The following ARL5B variants were observed in gnomAD, a reference collection of about 807,000 sequenced individuals.
The protein encoded by ARL5B is ARF like GTPase 5B.
In ARL5B, 10 loss-of-function variants were observed where a neutral mutation model predicts 26.9. The observed-to-expected ratio is 0.37, with a 90% CI of 0.23 to 0.63. The LOEUF is 0.63. Ranked by LOEUF, ARL5B falls within the 30% of genes least tolerant of loss-of-function variation. The pLI, the probability that ARL5B is intolerant of heterozygous loss-of-function variation, is 0.62. For missense variants in ARL5B, 167 were observed against 213.9 expected, an observed-to-expected ratio of 0.78 and a Z score of 1.37; for synonymous variants, 87 against 70.4, an observed-to-expected ratio of 1.24 and a Z score of -1.18.
At position 18,675,374 on chromosome 10, in the gene ARL5B, ATT is replaced by A; in HGVS notation, c.*163_*164del. ...GTGCAGCTGAACTGGAACATAAAAG[ATT>A]TTTTCTTAACTTTTTTTTTTTAACA... On this transcript the variant is annotated 3_prime_UTR_variant, in exon 6 of 6. Transcript: ENST00000377275. The A allele has an allele frequency of 3.2e-6, 2 of 633,190 alleles. No homozygotes were observed. Among genetic ancestry groups the A allele is most frequent in the African/African-American group, 1.8e-5 (1 of 54,446 alleles). 39.2% of individuals were successfully genotyped at this position (633,190 alleles called of 1,614,324 possible).
intron 3 of ARL5B, among the ~76,000 whole-genome samples, chr10:18,670,935 G>A (rs1237242548): frequency 1.3e-5 from 2 of 152,156 alleles, no homozygotes; most frequent in Non-Finnish European, 2.9e-5. Context: ...GAACAGTGGC[G>A]CCTGTCACTT....
Position 18,677,401 on chromosome 10 carries a change from A to G in ARL5B, c.*2185A>G, listed in dbSNP as rs1256310847. 1 of 152,240 alleles carries G rather than the reference A, an allele frequency of 6.6e-6. No homozygotes were observed. Among genetic ancestry groups the G allele is most frequent in the Non-Finnish European group, 1.5e-5 (1 of 67,774 alleles). The allele number at this position is 152,240 out of a possible 1,614,324, so 9.4% of individuals were successfully genotyped here. ...TTATTTTGTAAATCCTTTAAAAAAT[A>G]TTTGGTTAGTTTTGGATTAGAAATG... On this transcript the variant is annotated 3_prime_UTR_variant, in exon 6 of 6. Transcript: ENST00000377275.
Position 18,659,662 on chromosome 10 carries a change from T to G in ARL5B, c.25T>G (p.Trp9Gly). 6.2e-7 allele frequency: 1 copy of G among 1,613,318 alleles called. No homozygotes were observed. Among genetic ancestry groups the G allele is most frequent in the Non-Finnish European group, 8.5e-7 (1 of 1,179,736 alleles). ...GATGGGGCTGATCTTCGCCAAACTGTGGAGCCTCTTCTGTAACCAAGGTGA... is the reference window on the plus strand; with the variant it reads ...GATGGGGCTGATCTTCGCCAAACTGGGGAGCCTCTTCTGTAACCAAGGTGA... MGLIFAKL[W>G]SLFCNQEHKV... The change falls in exon 1 of 6, where the codon TGG (tryptophan) becomes GGG (glycine). Residue 9 changes from tryptophan (W) to glycine (G), a missense_variant. Physicochemically the swap from Trp to Gly is radical, Grantham distance 184. Coordinates refer to ENST00000377275, the MANE Select transcript of ARL5B (RefSeq NM_178815.5).
At chr10:18,661,173 T>C (rs924154621) in intron 1 of ARL5B, among the ~76,000 whole-genome samples, 2 of 152,228 alleles carry the variant, frequency 1.3e-5, no homozygotes, top group African/African-American at 2.4e-5. Context: ...TAAGACATGC[T>C]TAAAGGTATA....
intron 1 of ARL5B, among the ~76,000 whole-genome samples, chr10:18,660,761 C>T (rs781539774): frequency 6.6e-6 from 1 of 152,144 alleles, no homozygotes. Flanking sequence ...TATCCAGTAA[C>T]CACAGATAAT....
rs919063528 is a variant in ARL5B, at chr10:18,659,908, G to A, written c.46+225G>A. 59 of 985,360 alleles carry A rather than the reference G, an allele frequency of 6.0e-5. No individual in the cohort carries two copies. The African/African-American group carries it at 9.4e-4, about 16-fold the overall frequency. 61.0% of individuals were successfully genotyped at this position (985,360 alleles called of 1,614,324 possible). Reference sequence around the variant, plus strand: ...AGAAGAGAAGGTATTTGGCGTCCCAGAATCCAAACTGAGAATGTTTGGATA... The same window carrying A: ...AGAAGAGAAGGTATTTGGCGTCCCAAAATCCAAACTGAGAATGTTTGGATA... On this transcript the variant is annotated intron_variant, in intron 1 of 5. Transcript: ENST00000377275.
In ARL5B at chr10:18,659,624, C is replaced by G. The variant is rs761290580; in HGVS notation, c.-14C>G. The G allele has an allele frequency of 1.2e-6, 2 of 1,608,154 alleles. No homozygotes were observed. The highest frequency in any genetic ancestry group is 8.5e-7 in the Non-Finnish European group (1 of 1,177,636). ...TGCTGCCGAGGGACCCCGCGGCCCG[C>G]CCCGGTGCTCGTGATGGGGCTGATC... On this transcript the variant is annotated 5_prime_UTR_variant, in exon 1 of 6. Coordinates refer to ENST00000377275, the MANE Select transcript of ARL5B (RefSeq NM_178815.5).
chr10:18,673,780 C>A (rs1222142634), intron 4 of ARL5B, among the ~76,000 whole-genome samples: 2 of 149,640 alleles, frequency 1.3e-5, no homozygotes, highest in African/African-American at 2.5e-5. Flanking sequence ...TTCAGTTTGA[C>A]CAGTTCGACT....
At position 18,676,313 on chromosome 10, in the gene ARL5B, T is replaced by C. The variant is rs1039726831; in HGVS notation, c.*1097T>C. Reference sequence around the variant, plus strand: ...ATAGACTTGAAACAATTGCCATCTTTGTAGTTATGCCTTGGGTTCTAAAAT... The same window carrying C: ...ATAGACTTGAAACAATTGCCATCTTCGTAGTTATGCCTTGGGTTCTAAAAT... On this transcript the variant is annotated 3_prime_UTR_variant, in exon 6 of 6. Transcript: ENST00000377275. The C allele has an allele frequency of 5.2e-5, 8 of 152,470 alleles. No homozygotes were observed. The highest frequency in any genetic ancestry group is 1.7e-4 in the African/African-American group (7 of 41,442). The allele number at this position is 152,470 out of a possible 1,614,324, so 9.4% of individuals were successfully genotyped here.
chr10:18,664,896 G>T (rs1263425650), intron 1 of ARL5B, among the ~76,000 whole-genome samples: 1 of 152,092 alleles, frequency 6.6e-6, no homozygotes, highest in African/African-American at 2.4e-5. Context: ...AAATGACCTG[G>T]GTCTTCATTT....
Position 18,671,134 on chromosome 10 carries a change from A to C in ARL5B, c.256-1488A>C, listed in dbSNP as rs1030807203. Among the ~76,000 whole-genome samples, 64 of 152,188 alleles carry C rather than the reference A, an allele frequency of 4.2e-4. 1 individual carries two copies. Among genetic ancestry groups the C allele is most frequent in the African/African-American group, 1.5e-3 (62 of 41,542 alleles). On this transcript the variant is annotated intron_variant, in intron 3 of 5. Transcript: ENST00000377275. ...TTTCCGTTTATTCCCTTCTAAGCCC[A>C]ACTCAGTTTATATTCAGATTAGTTG...
At position 18,659,597 on chromosome 10, in the gene ARL5B, C is replaced by A. The variant is rs781733930; in HGVS notation, c.-41C>A. ...CGGTGGGGGACCCGGCGCAGCGGCA[C>A]CTGCTGCCGAGGGACCCCGCGGCCC... On this transcript the variant is annotated 5_prime_UTR_variant, in exon 1 of 6. Coordinates refer to ENST00000377275, the MANE Select transcript of ARL5B (RefSeq NM_178815.5). 3.1e-6 allele frequency: 5 copies of A among 1,592,880 alleles called. No homozygotes were observed. In the Admixed American group the frequency reaches 8.8e-5, roughly 28 times the overall value.
intron 2 of ARL5B, 100 bp from the exon 3 acceptor site, chr10:18,668,430 A>T (rs2059871236): frequency 7.9e-7 from 1 of 1,262,696 alleles, no homozygotes; most frequent in African/African-American, 1.5e-5. Flanking sequence ...GATCACCATC[A>T]TTGGTGCAGA....
chr10:18,672,765 T>G, intron 4 of ARL5B, 60 bp downstream of exon 4: 1 of 1,206,284 alleles, frequency 8.3e-7, no homozygotes. Context: ...ACGTTGCCTT[T>G]GCTTTTTTGC....
intron 2 of ARL5B, 146 bp from the exon 3 acceptor site, chr10:18,668,384 G>T (rs751625203): frequency 2.6e-5 from 19 of 731,746 alleles, no homozygotes; most frequent in African/African-American, 3.7e-5. Context: ...ATTGATTTGC[G>T]CAAGTGTTCT....
At chr10:18,669,955 C>G (rs1212440305) in intron 3 of ARL5B, among the ~76,000 whole-genome samples, 1 of 145,274 alleles carries the variant, frequency 6.9e-6, no homozygotes, top group Non-Finnish European at 1.5e-5. Context: ...GGTGGCACCA[C>G]TGCACTCCAG....
chr10:18,668,770 CTTTTTTT>C (rs34027786), intron 3 of ARL5B, 93 bp downstream of exon 3: 5 of 904,760 alleles, frequency 5.5e-6, no homozygotes, highest in Admixed American at 3.6e-5. Context: ...TGACAGTTGC[CTTTTTTT>C]TTTTTTTTTT....
rs1280126305 is a variant in ARL5B at position 18,676,364 on chromosome 10, C to T, written c.*1148C>T. ...GTTATAGGAAACTGCTGAATTGAAT[C>T]CTAGCTTTTAGAATATTAATAGGAG... On this transcript the variant is annotated 3_prime_UTR_variant, in exon 6 of 6. Transcript: ENST00000377275. 1 of 152,140 alleles carries T rather than the reference C, an allele frequency of 6.6e-6. No individual in the cohort carries two copies. Among genetic ancestry groups the T allele is most frequent in the East Asian group, 1.9e-4 (1 of 5,198 alleles). The allele number at this position is 152,140 out of a possible 1,614,324, so 9.4% of individuals were successfully genotyped here.
At chr10:18,672,497 CAGT>C in intron 3 of ARL5B, 122 bp from the exon 4 acceptor site, 1 of 584,712 alleles carries the variant, frequency 1.7e-6, no homozygotes, top group Non-Finnish European at 3.0e-6. Context: ...GGTGAAAAAG[CAGT>C]AGATGTTTTA....
Sources: allele counts gnomAD v4.1 joint callset (sites outside exome capture counted in the v4.1 genomes callset), GRCh38; gene constraint gnomAD v4.1.1; transcripts MANE v1.5; gene names NCBI Gene and HGNC (gene_info 2026-07-23, HGNC 2026-07-21).